SMC2: variants seen among roughly 807,000 people sequenced by gnomAD.
SMC2 encodes structural maintenance of chromosomes protein 2.
Under a neutral mutation model 142.6 loss-of-function variants are expected in SMC2, and 41 were observed. That is an observed-to-expected ratio of 0.29 (90% CI 0.22 to 0.37). The LOEUF is 0.37. Among genes scored for constraint, SMC2 ranks in the 10% least tolerant of loss-of-function variants. The probability of loss-of-function intolerance (pLI) is 1.00; values close to 1 mark genes in which losing one functional copy is unlikely to be tolerated. For missense variants in SMC2, 1,265 were observed against 1,373.7 expected (o/e 0.92, Z 1.25); for synonymous variants, 463 against 457.5 (o/e 1.01, Z -0.15).
chr9:104,127,851 G>C (rs1187398363), intron 20 of SMC2, among the ~76,000 whole-genome samples: 1 of 152,050 alleles, frequency 6.6e-6, no homozygotes, highest in Non-Finnish European at 1.5e-5. Flanking sequence ...AAAACTCACA[G>C]AACTATATAT....
At chr9:104,100,325 C>A in intron 6 of SMC2, 64 bp from the exon 7 acceptor site, 1 of 1,454,288 alleles carries the variant, frequency 6.9e-7, no homozygotes, top group East Asian at 2.3e-5. Context: ...CCTGCTACTT[C>A]TCTTTCAAAT....
chr9:104,138,028 G>C lies in SMC2; in HGVS notation c.3280G>C (p.Ala1094Pro). 1.3e-6 allele frequency: 2 copies of C among 1,581,318 alleles called. No homozygotes were observed. The highest frequency in any genetic ancestry group is 1.7e-6 in the Non-Finnish European group (2 of 1,160,562). Residue 1094 changes from alanine to proline, a missense_variant, in exon 24 of 25, where the codon GCC becomes CCC. This residue lies in a region of SMC2 where 192 missense variants were observed against 261.9 expected (regional missense o/e 0.73). Coordinates refer to ENST00000374793, the MANE Select transcript of SMC2 (RefSeq NM_006444.3). ...ELSGGQRSLV[A>P]LSLILSMLLF... Reference sequence around the variant, plus strand: ...CTGACCTTTTCTTAGGTCTTTAGTGGCCTTGTCATTAATACTGTCCATGCT... The same window carrying C: ...CTGACCTTTTCTTAGGTCTTTAGTGCCCTTGTCATTAATACTGTCCATGCT...
chr9:104,107,370 G>T (rs1831926878), intron 9 of SMC2, among the ~76,000 whole-genome samples: 1 of 152,218 alleles, frequency 6.6e-6, no homozygotes, highest in African/African-American at 2.4e-5. Context: ...GGTCTCCCCA[G>T]TGACAAGTTT....
chr9:104,115,894 T>C (rs1008187291), intron 13 of SMC2, among the ~76,000 whole-genome samples: 1 of 152,158 alleles, frequency 6.6e-6, no homozygotes, highest in Non-Finnish European at 1.5e-5. Context: ...ACCACTATCC[T>C]ACTCTTTTTA....
intron 11 of SMC2, 64 bp downstream of exon 11, chr9:104,113,539 T>TTTAAA: frequency 7.4e-7 from 1 of 1,343,988 alleles, no homozygotes; most frequent in Middle Eastern, 2.7e-4. Flanking sequence ...AAAAAGCTAA[T>TTTAAA]TTAAATAAAG....
chr9:104,091,037 C>G (rs1010916227), upstream of SMC2, among the ~76,000 whole-genome samples: 1 of 152,160 alleles, frequency 6.6e-6, no homozygotes, highest in African/African-American at 2.4e-5. Flanking sequence ...ACCTCCTTTT[C>G]TATTCCTCAT....
In SMC2 at chr9:104,139,266, A is replaced by T; in HGVS notation, c.3545A>T (p.Glu1182Val). The T allele has an allele frequency of 6.2e-7, 1 of 1,601,660 alleles. No individual in the cohort carries two copies. Among genetic ancestry groups the T allele is most frequent in the Non-Finnish European group, 8.5e-7 (1 of 1,176,052 alleles). Reference sequence around the variant, plus strand: ...TGTCAAAATGGAAAGATTTCAAAGGAAGCAAAATCCAAGGCAAAACCACCC... The same window carrying T: ...TGTCAAAATGGAAAGATTTCAAAGGTAGCAAAATCCAAGGCAAAACCACCC... ...TQCQNGKISKEAKSKAKPPKG... is the reference protein window; with the variant it reads ...TQCQNGKISKVAKSKAKPPKG... The change falls in exon 25 of 25, where the codon GAA becomes GTA. Residue 1182 changes from glutamate (E) to valine (V), a missense_variant. Physicochemically the swap from Glu to Val is moderately radical, Grantham distance 121 (BLOSUM62 -2). Coordinates refer to ENST00000374793, the MANE Select transcript of SMC2 (RefSeq NM_006444.3).
chr9:104,111,831 G>C lies in SMC2; in HGVS notation c.1254+17G>C. On this transcript the variant is annotated intron_variant, in intron 10 of 24. Coordinates refer to ENST00000374793, the MANE Select transcript of SMC2 (RefSeq NM_006444.3). ...GCCAAACAGGTAAATAGAGACATTA[G>C]CACTATGTGATTGCTTTTTTTTCCA... 6.6e-7 allele frequency: 1 copy of C among 1,526,712 alleles called. No individual in the cohort carries two copies. The highest frequency in any genetic ancestry group is 8.9e-7 in the Non-Finnish European group (1 of 1,122,128). 94.6% of individuals were successfully genotyped at this position (1,526,712 alleles called of 1,614,324 possible).
chr9:104,135,935 G>A (rs373596592), intron 23 of SMC2: 19 of 518,522 alleles, frequency 3.7e-5, no homozygotes, highest in African/African-American at 3.3e-4. Flanking sequence ...GATACCAGAT[G>A]GAACCTTGGA....
At chr9:104,106,543 A>G (rs748606131) in intron 9 of SMC2, among the ~76,000 whole-genome samples, 17 of 151,968 alleles carry the variant, frequency 1.1e-4, no homozygotes, top group Non-Finnish European at 1.6e-4. Context: ...ACAGGCATGT[A>G]CCACCACGCC....
upstream of SMC2, among the ~76,000 whole-genome samples, chr9:104,093,968 C>A (rs1384463539): frequency 6.6e-6 from 1 of 152,198 alleles, no homozygotes. Context: ...CCACAGCCAG[C>A]ACCGCAGACT....
intron 11 of SMC2, 71 bp downstream of exon 11, chr9:104,113,546 AAAG>A (rs1404829443): frequency 2.4e-6 from 3 of 1,248,118 alleles, no homozygotes; most frequent in African/African-American, 3.1e-5. Flanking sequence ...TAATTTAAAT[AAAG>A]AACGCAAGCA....
At chr9:104,135,375 G>T (rs1835418501) in intron 23 of SMC2, among the ~76,000 whole-genome samples, 1 of 152,156 alleles carries the variant, frequency 6.6e-6, no homozygotes, top group Admixed American at 6.5e-5. Flanking sequence ...CAGTAAATTT[G>T]AAGACATAGC....
chr9:104,096,116 G>C, intron 2 of SMC2, 32 bp from the exon 3 acceptor site: 1 of 1,600,368 alleles, frequency 6.2e-7, no homozygotes, highest in Non-Finnish European at 8.5e-7. Context: ...AGGGAGTTTT[G>C]TAATTGTTAC....
intron 3 of SMC2, among the ~76,000 whole-genome samples, chr9:104,097,398 G>T (rs768942108): frequency 1.6e-4 from 21 of 132,994 alleles, no homozygotes; most frequent in Admixed American, 7.3e-5. Flanking sequence ...GAGCCACGGC[G>T]CCTGGCCCAA....
intron 12 of SMC2, 40 bp downstream of exon 12, chr9:104,114,121 C>G: frequency 8.3e-7 from 1 of 1,205,236 alleles, no homozygotes; most frequent in Non-Finnish European, 1.2e-6. Flanking sequence ...TAGTAATAAT[C>G]AAGACATTTT....
At chr9:104,126,494 G>A (rs1214166150) in intron 18 of SMC2, 147 bp from the exon 19 acceptor site, 2 of 514,680 alleles carry the variant, frequency 3.9e-6, no homozygotes, top group Non-Finnish European at 3.2e-6. Context: ...TGGGGAAGCA[G>A]CTTAACCTGT....
At position 104,094,457 on chromosome 9, in the gene SMC2, A is replaced by C; in HGVS notation, c.-82A>C. 5 of 369,518 alleles carry C rather than the reference A, an allele frequency of 1.4e-5. No individual in the cohort carries two copies. The highest frequency in any genetic ancestry group is 1.9e-5 in the Non-Finnish European group (4 of 210,490). 22.9% of individuals were successfully genotyped at this position (369,518 alleles called of 1,614,324 possible). A position where few individuals can be genotyped will look rare whatever the true frequency, so the allele number is the denominator to read the frequency against. On this transcript the variant is annotated 5_prime_UTR_variant, in exon 1 of 25. Coordinates refer to ENST00000374793, the MANE Select transcript of SMC2 (RefSeq NM_006444.3). ...CCGGAGGAGCTTTTGGGGTGCGTCA[A>C]GCCCCTGGCCTGAGGCAGCGGTGAG...
At chr9:104,088,764 G>A in the SMC2 span, among the ~76,000 whole-genome samples, 1 of 152,046 alleles carries the variant, frequency 6.6e-6, no homozygotes, top group African/African-American at 2.4e-5. Context: ...CATTTCTCCT[G>A]GTTAATGTCT....
Sources: gnomAD v4.1 joint callset for allele counts (sites outside exome capture counted in the v4.1 genomes callset) on GRCh38, gnomAD v4.1.1 for gene constraint, gnomAD v4.1.1 regional missense constraint, MANE v1.5 for transcripts, NCBI Gene and HGNC (gene_info 2026-07-23, HGNC 2026-07-21) for gene names.